SSPN: variants seen among roughly 807,000 people sequenced by gnomAD.
SSPN encodes the protein sarcospan, also known as K-ras oncogene-associated protein.
SSPN carries 15 observed loss-of-function variants against 19.1 expected under a neutral mutation model. The ratio of observed to expected loss-of-function variants is 0.78; its 90% CI spans 0.52 to 1.21. SSPN has a LOEUF of 1.21. Ranked by LOEUF, SSPN falls within the 50% of genes most tolerant of loss-of-function variation. The pLI, the probability that SSPN is intolerant of heterozygous loss-of-function variation, is 0.00. For synonymous variants in SSPN, 147 were observed against 140.3 expected (o/e 1.05, Z -0.34); for missense variants, 291 against 314.0 (o/e 0.93, Z 0.55).
chr12:26,192,547 G>T (rs1451986686), upstream of SSPN, among the ~76,000 whole-genome samples: 1 of 152,034 alleles, frequency 6.6e-6, no homozygotes, highest in Non-Finnish European at 1.5e-5. Flanking sequence ...ACTTTTCTTT[G>T]TTTCTACTTT....
intron 1 of SSPN, among the ~76,000 whole-genome samples, chr12:26,203,498 C>T (rs1486782885): frequency 1.3e-5 from 2 of 152,130 alleles, no homozygotes; most frequent in Non-Finnish European, 2.9e-5. Flanking sequence ...ATATAAAAAC[C>T]TATTCCATAG....
intron 1 of SSPN, chr12:26,126,229 G>A (rs1010710730): frequency 4.6e-5 from 7 of 152,442 alleles, no homozygotes; most frequent in African/African-American, 1.7e-4. Flanking sequence ...AGAGTTACCG[G>A]GAGGTGCCCG....
At chr12:26,125,542 G>C (rs1221224361) in intron 1 of SSPN, 1 of 153,278 alleles carries the variant, frequency 6.5e-6, no homozygotes. Context: ...GGCGCTGGGT[G>C]GAGAGGTTGC....
intron 1 of SSPN, among the ~76,000 whole-genome samples, chr12:26,172,440 G>A (rs1049728521): frequency 1.3e-5 from 2 of 152,100 alleles, no homozygotes; most frequent in African/African-American, 4.8e-5. Context: ...TCATTTCTCT[G>A]TTTCTCGATG....
chr12:26,143,432 T>C (rs1164907955), intron 1 of SSPN, among the ~76,000 whole-genome samples: 1 of 152,160 alleles, frequency 6.6e-6, no homozygotes, highest in Non-Finnish European at 1.5e-5. Context: ...AGATGGAAGA[T>C]AGGAATCTCA....
rs1170069661 is a variant in SSPN, at chr12:26,233,500, C to A, written c.*2424C>A. On this transcript the variant is annotated 3_prime_UTR_variant, in exon 3 of 3. Transcript: ENST00000242729. This position sits in a 1 kb window ranked among gnomAD's most constrained non-coding sequence, Gnocchi z 4.3. Reference sequence around the variant, plus strand: ...CAGAAAAGAAAGAAAGAAAAGATCCCTTTGCTATGAGCTCGCTGTATATTG... The same window carrying A: ...CAGAAAAGAAAGAAAGAAAAGATCCATTTGCTATGAGCTCGCTGTATATTG... The A allele has an allele frequency of 1.3e-5, 2 of 151,938 alleles. No individual in the cohort carries two copies. The highest frequency in any genetic ancestry group is 4.8e-5 in the African/African-American group (2 of 41,338). The allele number at this position is 151,938 out of a possible 1,614,324, so 9.4% of individuals were successfully genotyped here.
At chr12:26,130,557 CCAA>C (rs1944391937) in intron 1 of SSPN, among the ~76,000 whole-genome samples, 1 of 152,098 alleles carries the variant, frequency 6.6e-6, no homozygotes, top group Admixed American at 6.5e-5. Flanking sequence ...TAACAATTAC[CCAA>C]CAAGTACTAT....
intron 1 of SSPN, chr12:26,123,881 A>C: frequency 6.5e-6 from 5 of 772,456 alleles, no homozygotes; most frequent in Non-Finnish European, 1.1e-5. Flanking sequence ...GCTTTCCACA[A>C]GACAGGTTAT....
chr12:26,122,345 G>T, intron 1 of SSPN: 1 of 1,173,274 alleles, frequency 8.5e-7, no homozygotes. Flanking sequence ...CGGGGATGCC[G>T]GGGTATAGCA....
intron 1 of SSPN, among the ~76,000 whole-genome samples, chr12:26,214,940 T>C (rs1945031058): frequency 6.6e-6 from 1 of 152,206 alleles, no homozygotes; most frequent in African/African-American, 2.4e-5. Context: ...TCTTACATTA[T>C]AAAATGGATG....
rs182250480 is a variant in SSPN, at chr12:26,127,489, C to T, written c.-31+5337C>T. 4.1e-3 allele frequency among the ~76,000 whole-genome samples: 631 copies of T among 152,284 alleles called. 3 individuals carry two copies. Among genetic ancestry groups the T allele is most frequent in the Non-Finnish European group, 7.2e-3 (491 of 68,012 alleles). On this transcript the variant is annotated intron_variant, in intron 1 of 2. Coordinates refer to the SSPN transcript ENST00000538142. ...GCCCCAAGCTTCCCCACTTCCGTAC[C>T]CTTTTCCCGTGATACCTACTCAAAC...
intron 1 of SSPN, among the ~76,000 whole-genome samples, chr12:26,151,727 T>A (rs1210438112): frequency 2.6e-5 from 4 of 152,200 alleles, no homozygotes; most frequent in African/African-American, 9.7e-5. Flanking sequence ...GAGGATCTAG[T>A]ACAAATTTTT....
At position 26,195,632 on chromosome 12, in the gene SSPN, G is replaced by T; in HGVS notation, c.-41G>T. On this transcript the variant is annotated 5_prime_UTR_variant, in exon 1 of 3. Coordinates refer to ENST00000242729, the MANE Select transcript of SSPN (RefSeq NM_005086.5). The stretch of plus-strand genomic sequence containing the variant: ...TGCGCCGCGCTCCAGGGCCCAGGGC[G>T]CCGCACACGCACCCACCCACCCACC... 1 of 1,351,666 alleles carries T rather than the reference G, an allele frequency of 7.4e-7. No homozygotes were observed. The highest frequency in any genetic ancestry group is 9.4e-7 in the Non-Finnish European group (1 of 1,058,916). The allele number at this position is 1,351,666 out of a possible 1,614,324, so 83.7% of individuals were successfully genotyped here.
intron 1 of SSPN, among the ~76,000 whole-genome samples, chr12:26,169,230 A>G (rs1944640049): frequency 6.6e-6 from 1 of 152,104 alleles, no homozygotes. Flanking sequence ...CACTCTTTCA[A>G]AAGCAGTTGG....
chr12:26,212,821 C>G (rs1171295383), intron 1 of SSPN, among the ~76,000 whole-genome samples: 4 of 152,040 alleles, frequency 2.6e-5, no homozygotes, highest in Non-Finnish European at 5.9e-5. Context: ...GAAAAAGAAG[C>G]TTCTATTTTG....
chr12:26,156,062 G>A (rs1050132071), intron 1 of SSPN, among the ~76,000 whole-genome samples: 12 of 152,186 alleles, frequency 7.9e-5, no homozygotes, highest in African/African-American at 2.9e-4. Flanking sequence ...TAGAATGAAA[G>A]TAAGACATGA....
chr12:26,173,660 C>T (rs1325326115), intron 1 of SSPN, among the ~76,000 whole-genome samples: 1 of 152,152 alleles, frequency 6.6e-6, no homozygotes, highest in Admixed American at 6.5e-5. Flanking sequence ...TATGTTCAAT[C>T]ATCGTCTTTT....
rs1317681833 is a variant in SSPN, at chr12:26,234,622, G to A, written c.*3546G>A. The A allele has an allele frequency of 1.3e-5, 2 of 152,060 alleles. No homozygotes were observed. Among genetic ancestry groups the A allele is most frequent in the Non-Finnish European group, 2.9e-5 (2 of 68,008 alleles). The allele number at this position is 152,060 out of a possible 1,614,324, so 9.4% of individuals were successfully genotyped here. ...GATTATTATCCCCTTCAAAAATACTGGTCTGTACTTTGGTGTTGTGGATTC... is the reference window on the plus strand; with the variant it reads ...GATTATTATCCCCTTCAAAAATACTAGTCTGTACTTTGGTGTTGTGGATTC... On this transcript the variant is annotated 3_prime_UTR_variant, in exon 3 of 3. Transcript: ENST00000242729.
chr12:26,229,198 G>T (rs1945206198), intron 2 of SSPN, among the ~76,000 whole-genome samples: 1 of 152,120 alleles, frequency 6.6e-6, no homozygotes, highest in African/African-American at 2.4e-5. Flanking sequence ...TTGATGAAAA[G>T]ATCTAAAGAA....
Sources: gnomAD v4.1 joint callset for allele counts (sites outside exome capture counted in the v4.1 genomes callset) on GRCh38, gnomAD v4.1.1 for gene constraint, Gnocchi (gnomAD v3.1) non-coding constraint, MANE v1.5 for transcripts, NCBI Gene and HGNC (gene_info 2026-07-23, HGNC 2026-07-21) for gene names.